MAGED1: variants seen among roughly 807,000 people sequenced by gnomAD.
MAGED1 encodes MAGE family member D1.
MAGED1 carries 3 observed loss-of-function variants against 54.1 expected under a neutral mutation model. The observed-to-expected ratio is 0.06, with a 90% CI of 0.03 to 0.14. MAGED1 has a LOEUF of 0.14. Among genes scored for constraint, MAGED1 ranks in the 10% least tolerant of loss-of-function variants. The pLI is 1.00. For synonymous variants in MAGED1, 217 were observed against 227.3 expected (o/e 0.95, Z 0.41); for missense variants, 485 against 623.4 (o/e 0.78, Z 2.36).
rs147257674 is a variant in MAGED1, at chrX:51,814,649, C to T, written c.-37+11532C>T. Among the ~76,000 whole-genome samples the T allele has an allele frequency of 5.5e-3, 616 of 111,013 alleles. 3 individuals are homozygous for T. The highest frequency in any genetic ancestry group is 0.019 in the African/African-American group (570 of 30,492). ...GTCAATGACAGATCACATATGAGGA[C>T]GGTGGTCTCATAAGACTATAATGGA... On this transcript the variant is annotated intron_variant, in intron 1 of 12. Transcript: ENST00000375772.
At chrX:51,838,664 A>AGCT (rs1926344556) in intron 1 of MAGED1, among the ~76,000 whole-genome samples, 1 of 111,846 alleles carries the variant, frequency 8.9e-6, no homozygotes, top group African/African-American at 3.3e-5. Flanking sequence ...ACTAATACAG[A>AGCT]GCTGAAGCAG....
chrX:51,884,657 C>T (rs782793662), intron 1 of MAGED1, among the ~76,000 whole-genome samples: 5 of 111,833 alleles, frequency 4.5e-5, no homozygotes, highest in African/African-American at 9.7e-5. Flanking sequence ...ACCCTCATCC[C>T]GAAACCAAAG....
At chrX:51,837,629 C>T (rs781954614) in intron 1 of MAGED1, among the ~76,000 whole-genome samples, 2 of 112,449 alleles carry the variant, frequency 1.8e-5, no homozygotes, top group Non-Finnish European at 3.8e-5. Flanking sequence ...AACTGTCAAA[C>T]AACATTTATT....
At chrX:51,837,771 G>T (rs1926305158) in intron 1 of MAGED1, among the ~76,000 whole-genome samples, 1 of 112,299 alleles carries the variant, frequency 8.9e-6, no homozygotes, top group South Asian at 3.7e-4. Context: ...TCCTAAGGTT[G>T]CACATAATAA....
intron 10 of MAGED1, 150 bp from the exon 11 acceptor site, chrX:51,900,032 A>G (rs367715634): frequency 2.2e-6 from 1 of 451,757 alleles, no homozygotes. Flanking sequence ...AGGCTTGATG[A>G]TTAAGGGGTA....
chrX:51,851,339 C>T, intron 1 of MAGED1, among the ~76,000 whole-genome samples: 1 of 111,645 alleles, frequency 9.0e-6, no homozygotes, highest in Middle Eastern at 4.6e-3. Flanking sequence ...AATGATTATG[C>T]CTAATTTGCC....
intron 1 of MAGED1, among the ~76,000 whole-genome samples, chrX:51,822,691 G>T (rs1925683205): frequency 9.0e-6 from 1 of 110,761 alleles, no homozygotes; most frequent in Non-Finnish European, 1.9e-5. Flanking sequence ...CTCAGTCATG[G>T]TGTGGAGTTC....
upstream of MAGED1, chrX:51,893,422 G>GT (rs1557363739): frequency 8.9e-6 from 1 of 112,383 alleles, no homozygotes; most frequent in African/African-American, 3.2e-5. Context: ...CTGTTGTATA[G>GT]TGTCGACCTG....
intron 1 of MAGED1, among the ~76,000 whole-genome samples, chrX:51,868,264 AGTGTGTGTGTGTGTTTGT>A (rs1927527596): frequency 1.8e-5 from 2 of 110,643 alleles, no homozygotes; most frequent in South Asian, 3.9e-4. Context: ...CAGGAAAGTA[AGTGTGTGTGTGTGTTTGT>A]GTGTGTGTGT....
At chrX:51,816,798 C>T (rs1557356117) in intron 1 of MAGED1, among the ~76,000 whole-genome samples, 1 of 110,854 alleles carries the variant, frequency 9.0e-6, no homozygotes, top group Non-Finnish European at 1.9e-5. Context: ...CACAATTTGA[C>T]CCAATTAGAA....
At chrX:51,901,971 G>A in intron 12 of MAGED1, 33 bp downstream of exon 12, 1 of 1,156,612 alleles carries the variant, frequency 8.6e-7, no homozygotes, top group East Asian at 3.0e-5. Context: ...GGCAGTTAGG[G>A]TCTCTGGGGG....
At chrX:51,892,970 C>T (rs782292840), upstream of MAGED1, among the ~76,000 whole-genome samples, 7 of 110,892 alleles carry the variant, frequency 6.3e-5, no homozygotes, top group Non-Finnish European at 1.3e-4. Context: ...AAGCTGTGCC[C>T]TTCCCTCCTT....
intron 1 of MAGED1, among the ~76,000 whole-genome samples, chrX:51,870,474 T>A (rs1403746469): frequency 8.9e-6 from 1 of 111,983 alleles, no homozygotes; most frequent in Non-Finnish European, 1.9e-5. Context: ...TCCAGAATTG[T>A]TTTGTTTTGT....
chrX:51,860,704 T>C (rs1557360583), intron 1 of MAGED1, among the ~76,000 whole-genome samples: 1 of 110,545 alleles, frequency 9.0e-6, no homozygotes, highest in African/African-American at 3.3e-5. Flanking sequence ...GTGGTTTTAA[T>C]TGAAGTATCA....
chrX:51,894,468 G>T (rs1312093705), intron 2 of MAGED1, 119 bp downstream of exon 2: 9 of 848,135 alleles, frequency 1.1e-5, no homozygotes, highest in Non-Finnish European at 1.5e-5. Flanking sequence ...ACTAGACTCC[G>T]TGGGCTTTTC....
At chrX:51,823,628 A>C (rs1184943824) in intron 1 of MAGED1, among the ~76,000 whole-genome samples, 2 of 111,508 alleles carry the variant, frequency 1.8e-5, no homozygotes, top group African/African-American at 6.5e-5. Flanking sequence ...CATTTAGTGC[A>C]GTTACTCTTC....
intron 1 of MAGED1, among the ~76,000 whole-genome samples, chrX:51,881,534 G>T (rs1557362498): frequency 9.1e-6 from 1 of 109,718 alleles, no homozygotes; most frequent in East Asian, 2.9e-4. Context: ...TCCTGCCTCA[G>T]CCTCCTGAGT....
chrX:51,898,818 C>G, intron 10 of MAGED1, 175 bp downstream of exon 10: 1 of 399,380 alleles, frequency 2.5e-6, no homozygotes, highest in South Asian at 5.4e-5. Context: ...GCCTGGGCAA[C>G]ATAACGAAAC....
chrX:51,815,152 A>G (rs1256772723), intron 1 of MAGED1, among the ~76,000 whole-genome samples: 17 of 109,996 alleles, frequency 1.5e-4, no homozygotes, highest in Non-Finnish European at 3.0e-4. Context: ...CAAAAAAAAA[A>G]GATGAAAAAC....
Sources: allele counts gnomAD v4.1 joint callset (sites outside exome capture counted in the v4.1 genomes callset), GRCh38; gene constraint gnomAD v4.1.1; transcripts MANE v1.5; gene names NCBI Gene and HGNC (gene_info 2026-07-23, HGNC 2026-07-21).